CST7: variants seen among roughly 807,000 people sequenced by gnomAD.
CST7 encodes the protein cystatin-F.
CST7 carries 15 observed loss-of-function variants against 13.1 expected under a neutral mutation model. The observed-to-expected ratio is 1.14, with a 90% CI of 0.77 to 1.76. CST7 has a LOEUF of 1.76. Among genes scored for constraint, CST7 ranks in the 40% most tolerant of loss-of-function variants. CST7 has a pLI of 0.00. For synonymous variants in CST7, 75 were observed against 66.9 expected (o/e 1.12, Z -0.59); for missense variants, 193 against 178.8 (o/e 1.08, Z -0.45).
At chr20:24,954,459 T>C (rs762928621) in intron 1 of CST7, among the ~76,000 whole-genome samples, 2 of 152,232 alleles carry the variant, frequency 1.3e-5, no homozygotes, top group Non-Finnish European at 2.9e-5. Context: ...GCTGGACTGC[T>C]TGTTTTCTTC....
intron 1 of CST7, among the ~76,000 whole-genome samples, chr20:24,952,765 G>A (rs571103682): frequency 3.3e-4 from 51 of 152,354 alleles, no homozygotes; most frequent in African/African-American, 1.2e-3. Context: ...GACCATCTGC[G>A]TCCAGCTCTC....
In CST7 at chr20:24,959,009, G is replaced by T; in HGVS notation, c.325G>T (p.Asp109Tyr). 6.2e-7 allele frequency: 1 copy of T among 1,614,000 alleles called. No individual in the cohort carries two copies. The highest frequency in any genetic ancestry group is 1.1e-5 in the South Asian group (1 of 91,060). Residue 109 changes from aspartate (D) to tyrosine (Y), a missense_variant, in exon 3 of 4, where the codon GAC becomes TAC. Asp to Tyr is a radical substitution (Grantham distance 160). Transcript: ENST00000480798. ...GAAAAACCAGCACCTGCGTCTGGAT[G>T]ACTGTGACTTCCAAACCAACCACAC... Reference protein sequence around the residue: ...CKKNQHLRLDDCDFQTNHTLK... With the variant: ...CKKNQHLRLDYCDFQTNHTLK...
chr20:24,959,104 G>T, intron 3 of CST7, 60 bp downstream of exon 3: 1 of 1,348,994 alleles, frequency 7.4e-7, no homozygotes, highest in South Asian at 1.2e-5. Flanking sequence ...CTCCCTCCCA[G>T]GACTGTGAAA....
intron 2 of CST7, among the ~76,000 whole-genome samples, chr20:24,958,673 C>T (rs958212391): frequency 5.9e-5 from 9 of 152,136 alleles, no homozygotes; most frequent in African/African-American, 2.2e-4. Flanking sequence ...TGTGACGTCC[C>T]TCCTGAGTGC....
intron 1 of CST7, 90 bp downstream of exon 1, chr20:24,949,665 A>G (rs1328997265): frequency 6.5e-7 from 1 of 1,527,082 alleles, no homozygotes; most frequent in Non-Finnish European, 8.9e-7. Flanking sequence ...GCACTTTCCT[A>G]GCTTGGAGCC....
At chr20:24,957,010 T>TAA (rs200580680) in intron 1 of CST7, among the ~76,000 whole-genome samples, 11 of 7,318 alleles carry the variant, frequency 1.5e-3, no homozygotes, top group Non-Finnish European at 2.1e-3. Flanking sequence ...AGGGGGCAGG[T>TAA]GAGGGGGGCA....
chr20:24,956,287 C>T lies in CST7; in HGVS notation c.71-1000C>T, dbSNP rs77781060. Among the ~76,000 whole-genome samples the T allele has an allele frequency of 7.4e-3, 1,125 of 152,268 alleles. 14 individuals are homozygous for T. The highest frequency in any genetic ancestry group is 0.026 in the African/African-American group (1,087 of 41,534). Reference sequence around the variant, plus strand: ...GCAGTGGGAATGGCCTCCTCTGGGGCCCTCGCTCTGAGTTGACACTGACGT... The same window carrying T: ...GCAGTGGGAATGGCCTCCTCTGGGGTCCTCGCTCTGAGTTGACACTGACGT... On this transcript the variant is annotated intron_variant, in intron 1 of 3. Transcript: ENST00000480798.
In CST7 at chr20:24,949,319, G is replaced by A. The variant is rs549920012; in HGVS notation, c.-187G>A. 96 of 1,500,622 alleles carry A rather than the reference G, an allele frequency of 6.4e-5. No individual in the cohort carries two copies. The South Asian group carries it at 6.7e-4, about 10-fold the overall frequency. 93.0% of individuals were successfully genotyped at this position (1,500,622 alleles called of 1,614,324 possible). A position where few individuals can be genotyped will look rare whatever the true frequency, so the allele number is the denominator to read the frequency against. ...TCAGCACAGGCACAAACCATTGCCC[G>A]GCACTGGCCCGTGCTGCCTGAGAAG... is the stretch of plus-strand genomic sequence containing the variant. On this transcript the variant is annotated 5_prime_UTR_variant, in exon 1 of 4. Coordinates refer to ENST00000480798, the MANE Select transcript of CST7 (RefSeq NM_003650.4).
Position 24,957,414 on chromosome 20 carries a change from CAT to C in CST7, c.199_200del (p.Met67ValfsTer42). 6.2e-7 allele frequency: 1 copy of C among 1,613,756 alleles called. No individual in the cohort carries two copies. ...AAAAGTTCAACAACTGCACGAACGA[CAT>C]GTTCTTGTTCAAGGAGTCCCGCATC... ...VEKFNNCTND[M>X]FLFKESRITR... On this transcript the variant is annotated frameshift_variant, in exon 2 of 4. Coordinates refer to ENST00000480798, the MANE Select transcript of CST7 (RefSeq NM_003650.4). LOFTEE classifies it high-confidence loss of function.
In CST7 at chr20:24,949,361, G is replaced by T; in HGVS notation, c.-145G>T. 1 of 1,561,876 alleles carries T rather than the reference G, an allele frequency of 6.4e-7. No individual in the cohort carries two copies. Among genetic ancestry groups the T allele is most frequent in the South Asian group, 1.2e-5 (1 of 82,252 alleles). Reference sequence around the variant, plus strand: ...CCTGAGAAGGATTGGCACGGGCACAGACCACTGCCCCCACCTGCCCTGCGC... The same window carrying T: ...CCTGAGAAGGATTGGCACGGGCACATACCACTGCCCCCACCTGCCCTGCGC... On this transcript the variant is annotated 5_prime_UTR_variant, in exon 1 of 4. Transcript: ENST00000480798.
At chr20:24,958,837 C>CGAGG (rs2087875820) in intron 2 of CST7, 91 bp from the exon 3 acceptor site, 1 of 933,768 alleles carries the variant, frequency 1.1e-6, no homozygotes, top group Admixed American at 1.8e-5. Context: ...CGGTGGGCAC[C>CGAGG]TGCACCACTG....
intron 1 of CST7, among the ~76,000 whole-genome samples, chr20:24,953,917 CCAG>C (rs946993213): frequency 3.3e-5 from 5 of 152,200 alleles, no homozygotes; most frequent in Non-Finnish European, 7.3e-5. Flanking sequence ...CCCTCTGCAC[CCAG>C]CAGCAGCCTC....
intron 1 of CST7, among the ~76,000 whole-genome samples, chr20:24,951,228 G>A (rs1037710387): frequency 1.3e-5 from 2 of 152,192 alleles, no homozygotes; most frequent in African/African-American, 4.8e-5. Context: ...CTCAGCCTCA[G>A]TCCTACCATC....
chr20:24,957,303 C>T lies in CST7; in HGVS notation c.87C>T (p.Asp29=), dbSNP rs1385107071. 2 of 1,613,126 alleles carry T rather than the reference C, an allele frequency of 1.2e-6. No individual in the cohort carries two copies. Among genetic ancestry groups the T allele is most frequent in the Non-Finnish European group, 1.7e-6 (2 of 1,179,594 alleles). The change falls in exon 2 of 4, where the codon GAC becomes GAT. Residue 29 remains aspartate (D), a synonymous_variant. Transcript: ENST00000480798. The stretch of plus-strand genomic sequence containing the variant: ...CTCTTTCAGATACTTGTTCCCAGGA[C>T]CTTAACTCACGTGTGAAGCCAGGAT... The part of the protein sequence containing the change: ...GGPSPDTCSQ[D]LNSRVKPGFP...
chr20:24,959,288 C>T (rs1054789074), intron 3 of CST7, among the ~76,000 whole-genome samples: 1 of 152,128 alleles, frequency 6.6e-6, no homozygotes, highest in Admixed American at 6.5e-5. Context: ...TCTGGAAGAG[C>T]GTCCTGGGGT....
At chr20:24,952,425 A>G (rs2087825487) in intron 1 of CST7, among the ~76,000 whole-genome samples, 1 of 152,122 alleles carries the variant, frequency 6.6e-6, no homozygotes, top group African/African-American at 2.4e-5. Flanking sequence ...TGTGCCCTCA[A>G]AAGATAGACT....
chr20:24,957,830 AC>A (rs2087869568), intron 2 of CST7, among the ~76,000 whole-genome samples: 1 of 152,074 alleles, frequency 6.6e-6, no homozygotes, highest in African/African-American at 2.4e-5. Flanking sequence ...CAGGGTCCTC[AC>A]CCGGCCTCAC....
At chr20:24,957,575 G>C in intron 2 of CST7, 116 bp downstream of exon 2, 1 of 1,041,130 alleles carries the variant, frequency 9.6e-7, no homozygotes, top group Non-Finnish European at 1.4e-6. Flanking sequence ...TGAGTGCAGA[G>C]CTCTGAGCAG....
At chr20:24,959,145 C>G (rs2087879112) in intron 3 of CST7, 101 bp downstream of exon 3, 2 of 949,692 alleles carry the variant, frequency 2.1e-6, no homozygotes, top group South Asian at 2.9e-5. Flanking sequence ...AACGCAGCGC[C>G]CCAAACCTCA....
Sources: gnomAD v4.1 joint callset for allele counts (sites outside exome capture counted in the v4.1 genomes callset) on GRCh38, gnomAD v4.1.1 for gene constraint, MANE v1.5 for transcripts, NCBI Gene and HGNC (gene_info 2026-07-23, HGNC 2026-07-21) for gene names.